The following ATL2 variants were observed in gnomAD, a reference collection of about 807,000 sequenced individuals.
ATL2 encodes the protein atlastin-2.
ATL2 carries 31 observed loss-of-function variants against 73.9 expected under a neutral mutation model. That is an observed-to-expected ratio of 0.42 (90% confidence interval 0.32 to 0.57). The LOEUF is 0.57. Ranked by LOEUF, ATL2 falls within the 20% of genes least tolerant of loss-of-function variation. The pLI, the probability that ATL2 is intolerant of heterozygous loss-of-function variation, is 0.14. For missense variants in ATL2, 738 were observed against 702.6 expected, an observed-to-expected ratio of 1.05 and a Z score of -0.57; for synonymous variants, 291 against 237.5, an observed-to-expected ratio of 1.23 and a Z score of -2.07.
At position 38,313,202 on chromosome 2, in the gene ATL2, T is replaced by C; in HGVS notation, c.753A>G (p.Glu251=). ...TTCCACCTTCCAAACCATATGAATG[T>C]TCATAAGGATAGCTCCAATCTCGAA... The part of the protein sequence containing the change: ...FLIRDWSYPY[E]HSYGLEGGKQ... The change falls in exon 7 of 13, where the codon GAA becomes GAG. Residue 251 remains glutamate (E), a synonymous_variant. Coordinates refer to ENST00000378954, the MANE Select transcript of ATL2 (RefSeq NM_001135673.4). 1 of 1,613,554 alleles carries C rather than the reference T, an allele frequency of 6.2e-7. No homozygotes were observed. Among genetic ancestry groups the C allele is most frequent in the East Asian group, 2.2e-5 (1 of 44,876 alleles).
rs1669843407 is a variant in ATL2, at chr2:38,343,425, T to C, written c.206A>G (p.Asp69Gly). The C allele has an allele frequency of 6.2e-7, 1 of 1,613,432 alleles. No individual in the cohort carries two copies. Among genetic ancestry groups the C allele is most frequent in the Non-Finnish European group, 8.5e-7 (1 of 1,179,844 alleles). Reference protein sequence around the residue: ...CPVQIVLAHEDDHNFELDEEA... With the variant: ...CPVQIVLAHEGDHNFELDEEA... ...TTCATCAAGTTCAAAGTTATGGTCATCTTCATGAGCAAGAACAATCTGTAC... is the reference window on the plus strand; with the variant it reads ...TTCATCAAGTTCAAAGTTATGGTCACCTTCATGAGCAAGAACAATCTGTAC... The change falls in exon 2 of 13, where the codon GAT becomes GGT. Residue 69 changes from aspartate (D) to glycine (G), a missense_variant. Coordinates refer to ENST00000378954, the MANE Select transcript of ATL2 (RefSeq NM_001135673.4).
chr2:38,300,522 C>T (rs960018041), intron 9 of ATL2, 194 bp from the exon 10 acceptor site: 7 of 431,204 alleles, frequency 1.6e-5, no homozygotes, highest in Admixed American at 3.9e-5. Flanking sequence ...AAATAATATC[C>T]TAGGTATTTC....
At chr2:38,328,338 T>C (rs1237116012) in intron 2 of ATL2, among the ~76,000 whole-genome samples, 3 of 152,170 alleles carry the variant, frequency 2.0e-5, no homozygotes, top group Admixed American at 6.5e-5. Flanking sequence ...GGATCTGACA[T>C]TATAGTATAT....
chr2:38,353,233 A>G (rs1352807831), intron 1 of ATL2, among the ~76,000 whole-genome samples: 2 of 152,180 alleles, frequency 1.3e-5, no homozygotes, highest in African/African-American at 4.8e-5. Context: ...TAAATAGATG[A>G]GGAGTCTCAG....
intron 9 of ATL2, among the ~76,000 whole-genome samples, chr2:38,305,438 A>T (rs563167694): frequency 6.6e-6 from 1 of 152,192 alleles, no homozygotes; most frequent in African/African-American, 2.4e-5. Context: ...AGTCTCAGCT[A>T]CTCAGGAGAC....
intron 1 of ATL2, among the ~76,000 whole-genome samples, chr2:38,350,278 A>G (rs560780307): frequency 3.8e-4 from 58 of 152,316 alleles, no homozygotes; most frequent in Non-Finnish European, 6.9e-4. Context: ...TAGCCCCCAG[A>G]TGGGTCTTTC....
At chr2:38,377,316 T>A, upstream of ATL2, 1 of 1,454,408 alleles carries the variant, frequency 6.9e-7, no homozygotes, top group Admixed American at 2.3e-5. Context: ...CGCCGCTTTA[T>A]CAACCTCCCG....
chr2:38,322,068 T>G (rs1668356311), intron 2 of ATL2, among the ~76,000 whole-genome samples: 1 of 152,196 alleles, frequency 6.6e-6, no homozygotes, highest in Admixed American at 6.5e-5. Context: ...TTTGCAGTTT[T>G]TTTGTGAGTC....
intron 9 of ATL2, among the ~76,000 whole-genome samples, chr2:38,304,098 T>C (rs1396563290): frequency 1.3e-5 from 2 of 152,138 alleles, no homozygotes; most frequent in East Asian, 3.8e-4. Flanking sequence ...GCCCCATTTC[T>C]ATTAAACCAC....
intron 1 of ATL2, 35 bp from the exon 2 acceptor site, chr2:38,343,547 A>C (rs1238336544): frequency 1.9e-6 from 3 of 1,578,730 alleles, no homozygotes; most frequent in South Asian, 1.2e-5. Flanking sequence ...GGTTACTTTA[A>C]TCCCTATATT....
intron 12 of ATL2, among the ~76,000 whole-genome samples, chr2:38,297,380 G>A (rs1666952114): frequency 6.6e-6 from 1 of 152,052 alleles, no homozygotes; most frequent in Non-Finnish European, 1.5e-5. Context: ...CTTTCATTCT[G>A]GTCCTTGACA....
intron 9 of ATL2, 132 bp from the exon 10 acceptor site, chr2:38,300,460 T>A: frequency 1.7e-6 from 1 of 592,542 alleles, no homozygotes; most frequent in Non-Finnish European, 3.0e-6. Context: ...AAAAATCACC[T>A]TATTCCAACA....
chr2:38,329,423 CAAAAAAAAAAAAAAAAA>C (rs70954711), intron 2 of ATL2, among the ~76,000 whole-genome samples: 16 of 13,650 alleles, frequency 1.2e-3, no homozygotes, highest in Non-Finnish European at 2.0e-3. Flanking sequence ...ACTCCATCTC[CAAAAAAAAAAAAAAAAA>C]AAAAAAAAAA....
At position 38,295,468 on chromosome 2, in the gene ATL2, T is replaced by C. The variant is rs1259079070; in HGVS notation, c.*526A>G. On this transcript the variant is annotated 3_prime_UTR_variant, in exon 13 of 13. Transcript: ENST00000378954. ...ACTTTCTTAGCTACAAGAGTTGCCA[T>C]GTAATTTCTGTGAAGTTTCTGATAC... is the stretch of plus-strand genomic sequence containing the variant. 6.6e-6 allele frequency: 1 copy of C among 152,250 alleles called. No individual in the cohort carries two copies. The highest frequency in any genetic ancestry group is 2.4e-5 in the African/African-American group (1 of 41,468). 9.4% of individuals were successfully genotyped at this position (152,250 alleles called of 1,614,324 possible). A position where few individuals can be genotyped will look rare whatever the true frequency, so the allele number is the denominator to read the frequency against.
intron 1 of ATL2, among the ~76,000 whole-genome samples, chr2:38,357,963 A>C (rs1670775964): frequency 6.6e-6 from 1 of 152,218 alleles, no homozygotes; most frequent in African/African-American, 2.4e-5. Context: ...GGTCTTATTT[A>C]GTGTTATTTC....
At chr2:38,325,657 C>CA (rs1668570221) in intron 2 of ATL2, among the ~76,000 whole-genome samples, 6 of 36,364 alleles carry the variant, frequency 1.6e-4, no homozygotes, top group African/African-American at 1.0e-3. Flanking sequence ...CACACACACA[C>CA]CAGTACACAC....
chr2:38,304,534 T>C (rs943384144), intron 9 of ATL2, among the ~76,000 whole-genome samples: 1 of 152,160 alleles, frequency 6.6e-6, no homozygotes, highest in African/African-American at 2.4e-5. Flanking sequence ...ACAACTCATA[T>C]CCTGAGTAGA....
In ATL2 at chr2:38,296,035, T is replaced by C. The variant is rs1453627022; in HGVS notation, c.1711A>G (p.Thr571Ala). Reference protein sequence around the residue: ...SVTNSIKAGLTDQVSHHARLK... With the variant: ...SVTNSIKAGLADQVSHHARLK... ...CTGGCATGATGAGACACCTGGTCAG[T>C]CAGGCCTGCTTTGATAGAGTTTGTT... Residue 571 changes from threonine (T) to alanine (A), a missense_variant, in exon 13 of 13, where the codon ACT becomes GCT. Thr to Ala is a moderately conservative substitution (Grantham distance 58). Transcript: ENST00000378954. 1.3e-6 allele frequency: 2 copies of C among 1,551,746 alleles called. No homozygotes were observed. The highest frequency in any genetic ancestry group is 3.9e-5 in the Admixed American group (2 of 51,002).
In ATL2 at chr2:38,344,345, A is replaced by G. The variant is rs576361818; in HGVS notation, c.119-833T>C. 1.9e-3 allele frequency among the ~76,000 whole-genome samples: 289 copies of G among 152,280 alleles called. 3 individuals carry two copies. Among genetic ancestry groups the G allele is most frequent in the Middle Eastern group, 0.014 (4 of 294 alleles). ...TAAAATTGTTCATGTGGCTGGGTGC[A>G]GTGGGTGTAATCCCAACACTTTGGG... On this transcript the variant is annotated intron_variant, in intron 1 of 12. Coordinates refer to ENST00000378954, the MANE Select transcript of ATL2 (RefSeq NM_001135673.4).
Sources: allele counts gnomAD v4.1 joint callset (sites outside exome capture counted in the v4.1 genomes callset), GRCh38; gene constraint gnomAD v4.1.1; transcripts MANE v1.5; gene names NCBI Gene and HGNC (gene_info 2026-07-23, HGNC 2026-07-21).